Variants in TBCK observed in about 807,000 individuals in gnomAD.
TBCK encodes TBC1 domain containing kinase, also known as TBC domain-containing protein kinase-like protein.
In TBCK, 99 loss-of-function variants were observed where a neutral mutation model predicts 113.4. The ratio of observed to expected loss-of-function variants is 0.87; its 90% CI spans 0.74 to 1.03. The LOEUF is 1.03. Ranked by LOEUF, TBCK falls within the 50% of genes least tolerant of loss-of-function variation. The pLI is 0.00. For missense variants in TBCK, 1,045 were observed against 1,061.3 expected (o/e 0.98, Z 0.21); for synonymous variants, 369 against 370.8 (o/e 1.00, Z 0.05).
chr4:106,304,927 C>T (rs1767347395), intron 2 of TBCK, among the ~76,000 whole-genome samples: 1 of 152,158 alleles, frequency 6.6e-6, no homozygotes, highest in Non-Finnish European at 1.5e-5. Context: ...ATCCCAAACC[C>T]CTCTTCCTTT....
chr4:106,172,691 A>G (rs1188073963), intron 22 of TBCK, among the ~76,000 whole-genome samples: 3 of 152,122 alleles, frequency 2.0e-5, no homozygotes, highest in Admixed American at 6.6e-5. Context: ...TGGATAGTGC[A>G]TGAGTAATCA....
intron 22 of TBCK, among the ~76,000 whole-genome samples, chr4:106,187,427 T>C (rs1009804318): frequency 1.3e-5 from 2 of 152,002 alleles, no homozygotes; most frequent in African/African-American, 4.8e-5. Context: ...TTCCTTTTTT[T>C]CTTTTTTGAG....
chr4:106,304,639 G>C (rs1425978788), intron 2 of TBCK, among the ~76,000 whole-genome samples: 1 of 152,064 alleles, frequency 6.6e-6, no homozygotes, highest in Non-Finnish European at 1.5e-5. Context: ...ATCTTATTCT[G>C]TTTCCTTTCT....
At chr4:106,265,752 ACTCCCT>A (rs539985339) in intron 3 of TBCK, among the ~76,000 whole-genome samples, 3 of 151,188 alleles carry the variant, frequency 2.0e-5, no homozygotes, top group Non-Finnish European at 4.4e-5. Context: ...TATGGTGAGT[ACTCCCT>A]CTCCACCCCA....
At chr4:106,281,620 T>G (rs1340794008) in intron 3 of TBCK, among the ~76,000 whole-genome samples, 1 of 152,120 alleles carries the variant, frequency 6.6e-6, no homozygotes, top group Non-Finnish European at 1.5e-5. Context: ...TTTTTCACCA[T>G]GAAGGGTTGT....
chr4:106,100,385 T>G (rs1741416079), intron 24 of TBCK, among the ~76,000 whole-genome samples: 1 of 152,218 alleles, frequency 6.6e-6, no homozygotes, highest in Non-Finnish European at 1.5e-5. Context: ...GTGGCACCAG[T>G]ATCTAACAAT....
At chr4:106,046,761 GAC>G in intron 25 of TBCK, 81 bp from the exon 26 acceptor site, 1 of 664,104 alleles carries the variant, frequency 1.5e-6, no homozygotes, top group Non-Finnish European at 2.6e-6. Flanking sequence ...GAATTTGAAA[GAC>G]AAAATTAATT....
At chr4:106,247,547 T>C (rs1362987805) in intron 9 of TBCK, 1 of 317,568 alleles carries the variant, frequency 3.1e-6, no homozygotes, top group Non-Finnish European at 5.7e-6. Context: ...GCTTCTGCAT[T>C]GTTTACTTTT....
chr4:106,207,092 T>C lies in TBCK; in HGVS notation c.1860+5658A>G, dbSNP rs1057103219. ...CTATATTTTTAAAAGCAGAAACACATATCAAGACAAAAATGATAAATATCA... is the reference window on the plus strand; with the variant it reads ...CTATATTTTTAAAAGCAGAAACACACATCAAGACAAAAATGATAAATATCA... On this transcript the variant is annotated intron_variant, in intron 20 of 25. Transcript: ENST00000394708. Among the ~76,000 whole-genome samples the C allele has an allele frequency of 2.0e-5, 3 of 152,286 alleles. No homozygotes were observed. The South Asian group carries it at 6.2e-4, about 32-fold the overall frequency.
intron 20 of TBCK, among the ~76,000 whole-genome samples, chr4:106,203,713 G>A (rs528253243): frequency 6.6e-6 from 1 of 151,912 alleles, no homozygotes; most frequent in Non-Finnish European, 1.5e-5. Context: ...TTTTGGGAAA[G>A]ATGAGCTATT....
At chr4:106,242,407 T>C in intron 12 of TBCK, 63 bp downstream of exon 12, 1 of 1,230,936 alleles carries the variant, frequency 8.1e-7, no homozygotes, top group Admixed American at 2.4e-5. Context: ...ATTTCTTGTG[T>C]ATCTGTAAGG....
intron 3 of TBCK, among the ~76,000 whole-genome samples, chr4:106,269,296 A>C (rs1339351802): frequency 6.6e-6 from 1 of 152,200 alleles, no homozygotes; most frequent in Non-Finnish European, 1.5e-5. Context: ...ACTTGAACAC[A>C]AAAGAGCTCA....
intron 10 of TBCK, among the ~76,000 whole-genome samples, chr4:106,245,710 T>C (rs1196822153): frequency 3.3e-5 from 5 of 152,320 alleles, no homozygotes; most frequent in Admixed American, 1.3e-4. Context: ...TAAAGACATT[T>C]ATTCATCTCT....
intron 23 of TBCK, among the ~76,000 whole-genome samples, chr4:106,126,075 C>T (rs150851367): frequency 8.5e-5 from 13 of 152,340 alleles, no homozygotes; most frequent in African/African-American, 2.2e-4. Flanking sequence ...TGCCTTTTCA[C>T]GCCACTGTGC....
intron 3 of TBCK, among the ~76,000 whole-genome samples, chr4:106,278,558 CAAAAAAAAAAAAA>C (rs376599844): frequency 9.0e-5 from 2 of 22,136 alleles, no homozygotes; most frequent in Non-Finnish European, 1.7e-4. Flanking sequence ...AACTCTGTCT[CAAAAAAAAAAAAA>C]AAAAAAAAAA....
intron 25 of TBCK, among the ~76,000 whole-genome samples, chr4:106,067,101 T>C (rs1303175061): frequency 6.6e-6 from 1 of 152,116 alleles, no homozygotes; most frequent in Non-Finnish European, 1.5e-5. Context: ...ATATTTTCTA[T>C]AGAAGCTACA....
At chr4:106,203,342 TTTG>T (rs1755091727) in intron 20 of TBCK, among the ~76,000 whole-genome samples, 2 of 151,158 alleles carry the variant, frequency 1.3e-5, no homozygotes, top group Non-Finnish European at 3.0e-5. Context: ...AAATTTTGGG[TTTG>T]TTGTGTTTAA....
Position 106,133,350 on chromosome 4 carries a change from C to T in TBCK, c.2236-16972G>A, listed in dbSNP as rs147603426. Among the ~76,000 whole-genome samples, 303 of 152,308 alleles carry T rather than the reference C, an allele frequency of 2.0e-3. 2 individuals are homozygous for T. The highest frequency in any genetic ancestry group is 6.9e-3 in the African/African-American group (286 of 41,574). ...TGTGACTTTGCTCCTCATTCACCTT[C>T]CACCATGACTGTGAGGCCTTCCCAG... On this transcript the variant is annotated intron_variant, in intron 23 of 25. Coordinates refer to ENST00000394708, the MANE Select transcript of TBCK (RefSeq NM_001163435.3).
At chr4:106,289,768 AAAAAAAAAAAAG>A (rs1048426974) in intron 3 of TBCK, among the ~76,000 whole-genome samples, 37 of 142,976 alleles carry the variant, frequency 2.6e-4, no homozygotes, top group African/African-American at 8.9e-4. Context: ...ACTCTGTCTC[AAAAAAAAAAAAG>A]AAAAAAAAAA....
Sources: gnomAD v4.1 joint callset for allele counts (sites outside exome capture counted in the v4.1 genomes callset) on GRCh38, gnomAD v4.1.1 for gene constraint, MANE v1.5 for transcripts, NCBI Gene and HGNC (gene_info 2026-07-23, HGNC 2026-07-21) for gene names.